SPINK5: variants seen among roughly 807,000 people sequenced by gnomAD.
SPINK5 encodes the protein serine peptidase inhibitor Kazal type 5.
Under a neutral mutation model 151.8 loss-of-function variants are expected in SPINK5, and 125 were observed. The ratio of observed to expected loss-of-function variants is 0.82; its 90% confidence interval spans 0.71 to 0.96. The LOEUF (loss-of-function observed/expected upper bound fraction) is 0.96. SPINK5 is among the 40% of genes least tolerant of loss of function. SPINK5 has a pLI of 0.00. For missense variants in SPINK5, 1,194 were observed against 1,291.9 expected, an observed-to-expected ratio of 0.92 and a Z score of 1.16; for synonymous variants, 374 against 395.3, an observed-to-expected ratio of 0.95 and a Z score of 0.64.
intron 24 of SPINK5, among the ~76,000 whole-genome samples, chr5:148,119,669 A>C (rs1400524754): frequency 6.6e-6 from 1 of 152,114 alleles, no homozygotes. Flanking sequence ...TCATTCTCAC[A>C]CTGACTGTCC....
Position 148,070,433 on chromosome 5 carries a change from C to T in SPINK5, c.192C>T (p.Ala64=). The change falls in exon 3 of 33, where the codon GCC becomes GCT. Residue 64 remains alanine, a synonymous_variant. Transcript: ENST00000256084. ...GAATAATGTTCATCAATAAATGTGC[C>T]ACGTGCAAAATGATACTGTGAGTAA... ...LDGIMFINKC[A]TCKMILEKEA... 2 of 1,612,456 alleles carry T rather than the reference C, an allele frequency of 1.2e-6. No homozygotes were observed. The highest frequency in any genetic ancestry group is 2.2e-5 in the East Asian group (1 of 44,716).
Position 148,091,194 on chromosome 5 carries a change from A to G in SPINK5, c.632A>G (p.Glu211Gly). The G allele has an allele frequency of 6.2e-7, 1 of 1,611,556 alleles. No homozygotes were observed. Among genetic ancestry groups the G allele is most frequent in the Non-Finnish European group, 8.5e-7 (1 of 1,178,624 alleles). Residue 211 changes from glutamate (E) to glycine (G), a missense_variant, in exon 8 of 33, where the codon GAG becomes GGG. Coordinates refer to ENST00000256084, the MANE Select transcript of SPINK5 (RefSeq NM_006846.4). ...AAAGAAGCTGAAAATGCCAAGCGAG[A>G]GGGTGAAACTAGAATTCGACGAAAT... ...FLKEAENAKR[E>G]GETRIRRNAE...
At position 148,099,223 on chromosome 5, in the gene SPINK5, C is replaced by T. The variant is rs752958064; in HGVS notation, c.1011-11C>T. The T allele has an allele frequency of 1.9e-5, 30 of 1,604,262 alleles. No homozygotes were observed. The highest frequency in any genetic ancestry group is 2.7e-5 in the African/African-American group (2 of 74,716). On this transcript the variant is annotated splice_polypyrimidine_tract_variant and intron_variant, in intron 11 of 32. Coordinates refer to ENST00000256084, the MANE Select transcript of SPINK5 (RefSeq NM_006846.4). The stretch of plus-strand genomic sequence containing the variant: ...TCCTAATGGATCTGCTTCTTTTTCC[C>T]TCTTATTCAGCCAAGCAGAAAATGA...
chr5:148,129,810 G>A (rs565357288), intron 30 of SPINK5, among the ~76,000 whole-genome samples: 52 of 152,078 alleles, frequency 3.4e-4, no homozygotes, highest in Middle Eastern at 3.4e-3. Flanking sequence ...TTTCTATGTC[G>A]TCTTTGTATC....
intron 26 of SPINK5, among the ~76,000 whole-genome samples, chr5:148,123,512 AAT>A (rs1375090139): frequency 2.5e-5 from 3 of 120,948 alleles, no homozygotes; most frequent in Non-Finnish European, 4.9e-5. Context: ...GCAGTGGTGC[AAT>A]ATATGTGTAT....
chr5:148,119,449 CATTT>C (rs1183812174), intron 24 of SPINK5, among the ~76,000 whole-genome samples: 2 of 151,980 alleles, frequency 1.3e-5, no homozygotes, highest in African/African-American at 4.8e-5. Context: ...AAATAACACA[CATTT>C]ATTATCTTAT....
chr5:148,089,641 G>A lies in SPINK5; in HGVS notation c.602+20G>A. 1 of 1,611,242 alleles carries A rather than the reference G, an allele frequency of 6.2e-7. No homozygotes were observed. The highest frequency in any genetic ancestry group is 1.1e-5 in the South Asian group (1 of 91,028). ...GCTGTTGTAAGTAGCATCATCCCCA[G>A]GTGGACTTGATGATGATGCACTTGG... On this transcript the variant is annotated intron_variant, in intron 7 of 32. Transcript: ENST00000256084.
chr5:148,098,022 G>T, intron 11 of SPINK5, 28 bp downstream of exon 11: 1 of 1,602,768 alleles, frequency 6.2e-7, no homozygotes, highest in Non-Finnish European at 8.5e-7. Context: ...GAATGTCAAA[G>T]AAAGAAGGGA....
rs531015763 is a variant in SPINK5 at position 148,094,281 on chromosome 5, C to T, written c.667-73C>T. The T allele has an allele frequency of 1.5e-4, 240 of 1,569,382 alleles. No individual in the cohort carries two copies. In the African/African-American group the frequency reaches 2.9e-3, roughly 19 times the overall value. ...CTGCAATCCACCCTGCGCAATGCAGCAAAATCCTGTCTCAAAAAATAAAAT... is the reference window on the plus strand; with the variant it reads ...CTGCAATCCACCCTGCGCAATGCAGTAAAATCCTGTCTCAAAAAATAAAAT... On this transcript the variant is annotated intron_variant, in intron 8 of 32. Coordinates refer to ENST00000256084, the MANE Select transcript of SPINK5 (RefSeq NM_006846.4).
In SPINK5 at chr5:148,099,397, C is replaced by T; in HGVS notation, c.1092+82C>T. 8.3e-6 allele frequency: 10 copies of T among 1,204,834 alleles called. No individual in the cohort carries two copies. In the South Asian group the frequency reaches 1.3e-4, roughly 16 times the overall value. 74.6% of individuals were successfully genotyped at this position (1,204,834 alleles called of 1,614,324 possible). A position where few individuals can be genotyped will look rare whatever the true frequency, so the allele number is the denominator to read the frequency against. ...AGAGCCTAAAGGGTGAGATTTTGCC[C>T]TGCAGAAATCCCCAGAATATCTTAA... On this transcript the variant is annotated intron_variant, in intron 12 of 32. Coordinates refer to ENST00000256084, the MANE Select transcript of SPINK5 (RefSeq NM_006846.4).
At chr5:148,121,996 G>A (rs1754279518) in intron 26 of SPINK5, among the ~76,000 whole-genome samples, 1 of 129,716 alleles carries the variant, frequency 7.7e-6, no homozygotes, top group Non-Finnish European at 1.5e-5. Flanking sequence ...TTGAGATTGT[G>A]TGTGAGTGTG....
intron 5 of SPINK5, among the ~76,000 whole-genome samples, chr5:148,086,874 CAG>C (rs1173777244): frequency 6.7e-6 from 1 of 148,992 alleles, no homozygotes; most frequent in African/African-American, 2.5e-5. Context: ...TATAATAAAA[CAG>C]ATTTAATATT....
intron 11 of SPINK5, 136 bp from the exon 12 acceptor site, chr5:148,099,098 C>G: frequency 1.4e-6 from 1 of 706,464 alleles, no homozygotes; most frequent in South Asian, 1.7e-5. Context: ...TTTGTTGCTT[C>G]TCATTGATAT....
chr5:148,113,821 T>A (rs3815739), intron 20 of SPINK5, among the ~76,000 whole-genome samples: 22,313 of 152,148 alleles, frequency 0.15, 2,172 homozygotes, highest in East Asian at 0.32. Context: ...CAGTATGAGC[T>A]AATTTCTGAT....
At chr5:148,105,270 G>A (rs1753751373) in intron 16 of SPINK5, among the ~76,000 whole-genome samples, 1 of 152,116 alleles carries the variant, frequency 6.6e-6, no homozygotes, top group African/African-American at 2.4e-5. Flanking sequence ...GCTTTTATTA[G>A]ATTTCTGTTG....
Position 148,088,533 on chromosome 5 carries a change from T to C in SPINK5, c.411-9T>C, listed in dbSNP as rs1187547935. 6.2e-7 allele frequency: 1 copy of C among 1,611,372 alleles called. No individual in the cohort carries two copies. Among genetic ancestry groups the C allele is most frequent in the Non-Finnish European group, 8.5e-7 (1 of 1,178,266 alleles). ...TTAAACTGCTGTGTCTACTAACTTT[T>C]GATTCTAGGAAAACCGGGTCCCAAA... On this transcript the variant is annotated splice_polypyrimidine_tract_variant and intron_variant, in intron 5 of 32. Transcript: ENST00000256084.
At position 148,105,137 on chromosome 5, in the gene SPINK5, C is replaced by T. The variant is rs893948212; in HGVS notation, c.1479+137C>T. ...AAATGAAGAACATTTTTAACCTGAA[C>T]AAAAAGGGTCCTGATAAGAAGTGTC... On this transcript the variant is annotated intron_variant, in intron 16 of 32. Coordinates refer to ENST00000256084, the MANE Select transcript of SPINK5 (RefSeq NM_006846.4). The T allele has an allele frequency of 2.1e-5, 20 of 944,640 alleles. No homozygotes were observed. In the East Asian group the frequency reaches 2.7e-4, roughly 13 times the overall value. The allele number at this position is 944,640 out of a possible 1,614,324, so 58.5% of individuals were successfully genotyped here.
chr5:148,096,186 T>C (rs1753455977), intron 10 of SPINK5, among the ~76,000 whole-genome samples: 1 of 151,990 alleles, frequency 6.6e-6, no homozygotes, highest in Non-Finnish European at 1.5e-5. Context: ...CAAAACATTG[T>C]CTGAATTCAA....
At chr5:148,091,265 C>T in intron 8 of SPINK5, 37 bp downstream of exon 8, 2 of 1,580,654 alleles carry the variant, frequency 1.3e-6, no homozygotes, top group South Asian at 1.1e-5. Flanking sequence ...GTTCTTGTGG[C>T]CATATTTATT....
Sources: gnomAD v4.1 joint callset for allele counts (sites outside exome capture counted in the v4.1 genomes callset) on GRCh38, gnomAD v4.1.1 for gene constraint, MANE v1.5 for transcripts, NCBI Gene and HGNC (gene_info 2026-07-23, HGNC 2026-07-21) for gene names.